Variants in ZIM2 observed in about 807,000 individuals in gnomAD.
ZIM2 encodes the protein zinc finger imprinted 2, also known as zinc finger protein 656.
Under a neutral mutation model 38.6 loss-of-function variants are expected in ZIM2, and 14 were observed. The ratio of observed to expected loss-of-function variants is 0.36; its 90% confidence interval spans 0.24 to 0.57. The LOEUF (loss-of-function observed/expected upper bound fraction) is 0.57, where lower values mean the gene tolerates loss of function less well. Among genes scored for constraint, ZIM2 ranks in the 20% least tolerant of loss-of-function variants. The pLI, the probability that ZIM2 is intolerant of heterozygous loss-of-function variation, is 0.81. For missense variants in ZIM2, 680 were observed against 695.1 expected, an observed-to-expected ratio of 0.98 and a Z score of 0.24; for synonymous variants, 247 against 245.8, an observed-to-expected ratio of 1.00 and a Z score of -0.04.
rs760263015 is a variant in ZIM2, at chr19:56,789,894, T to C, written c.548A>G (p.Asn183Ser). 7 of 1,577,390 alleles carry C rather than the reference T, an allele frequency of 4.4e-6. No homozygotes were observed. The highest frequency in any genetic ancestry group is 4.5e-5 in the East Asian group (2 of 44,166). ...AEKRNTEMLD[N>S]LPSAGSQFPD... The stretch of plus-strand genomic sequence containing the variant: ...CACCTGGGACCCAGCAGATGGCAGA[T>C]TGTCTAACATCTCTGTGTTCCTCTT... The change falls in exon 10 of 13, where the codon AAT (asparagine) becomes AGT (serine). Residue 183 changes from asparagine to serine, a missense_variant. Coordinates refer to ENST00000629319, the MANE Select transcript of ZIM2 (RefSeq NM_001387356.1).
intron 6 of ZIM2, 72 bp from the exon 7 acceptor site, chr19:56,821,826 A>G: frequency 6.5e-7 from 1 of 1,532,070 alleles, no homozygotes; most frequent in South Asian, 1.1e-5. Context: ...TGTCCCACTC[A>G]ACTATGAAGC....
chr19:56,822,972 A>G, intron 5 of ZIM2, 136 bp from the exon 6 acceptor site: 1 of 1,187,242 alleles, frequency 8.4e-7, no homozygotes, highest in Non-Finnish European at 1.2e-6. Flanking sequence ...AGAGAGCTCC[A>G]GGTTCCCAGG....
chr19:56,789,862 C>A lies in ZIM2; in HGVS notation c.570+10G>T. On this transcript the variant is annotated intron_variant, in intron 10 of 12. Transcript: ENST00000629319. ...ATTTGATAACCATGTCAGAGGAAAG[C>A]CTGACTCACCTGGGACCCAGCAGAT... is the stretch of plus-strand genomic sequence containing the variant. 6.5e-7 allele frequency: 1 copy of A among 1,546,428 alleles called. No homozygotes were observed. Among genetic ancestry groups the A allele is most frequent in the South Asian group, 1.3e-5 (1 of 79,822 alleles).
intron 9 of ZIM2, chr19:56,798,650 A>G (rs1285910286): frequency 2.0e-5 from 3 of 152,228 alleles, no homozygotes; most frequent in Non-Finnish European, 4.4e-5. Context: ...TACAGCAAAG[A>G]AATTATCATC....
At chr19:56,805,340 C>T (rs2047706197) in intron 9 of ZIM2, among the ~76,000 whole-genome samples, 1 of 152,182 alleles carries the variant, frequency 6.6e-6, no homozygotes, top group African/African-American at 2.4e-5. Flanking sequence ...CTGGGACCTT[C>T]CACTGGGAAG....
intron 9 of ZIM2, among the ~76,000 whole-genome samples, chr19:56,792,423 C>T (rs781275352): frequency 1.5e-4 from 22 of 146,368 alleles, no homozygotes; most frequent in Non-Finnish European, 2.8e-4. Flanking sequence ...TCTAGCTACT[C>T]GGGAGGCTGA....
chr19:56,835,459 CA>C (rs1274667197), intron 2 of ZIM2, among the ~76,000 whole-genome samples: 1 of 152,212 alleles, frequency 6.6e-6, no homozygotes, highest in Non-Finnish European at 1.5e-5. Flanking sequence ...CTACTCTCCC[CA>C]TGACACACAC....
chr19:56,839,629 G>A (rs1304207270), intron 1 of ZIM2, among the ~76,000 whole-genome samples: 5 of 151,162 alleles, frequency 3.3e-5, no homozygotes, highest in Non-Finnish European at 7.4e-5. Context: ...CAATCAACTA[G>A]AACAGCGCCT....
In ZIM2 at chr19:56,789,450, T is replaced by C. The variant is rs771800773; in HGVS notation, c.570+422A>G. Among the ~76,000 whole-genome samples, 57 of 152,140 alleles carry C rather than the reference T, an allele frequency of 3.7e-4. 1 individual carries two copies. Among genetic ancestry groups the C allele is most frequent in the Non-Finnish European group, 6.3e-4 (43 of 68,030 alleles). ...AACAGCTGTGTTACCCTTCAGCATA[T>C]TATTTAGTCTTTCTGCCTCCACTCC... is the stretch of plus-strand genomic sequence containing the variant. On this transcript the variant is annotated intron_variant, in intron 10 of 12. Transcript: ENST00000629319.
At chr19:56,840,544 G>A (rs1213930047) in intron 1 of ZIM2, 38 bp downstream of exon 1, 1 of 152,322 alleles carries the variant, frequency 6.6e-6, no homozygotes, top group Non-Finnish European at 1.5e-5. Flanking sequence ...AAGGTCCCGC[G>A]GGCAGGAGGC....
intron 9 of ZIM2, among the ~76,000 whole-genome samples, chr19:56,792,530 C>CAAAA (rs1215431208): frequency 4.8e-5 from 1 of 20,944 alleles, no homozygotes; most frequent in African/African-American, 1.3e-4. Context: ...GACTCTGTCT[C>CAAAA]AAAAAAAAAA....
chr19:56,799,835 G>A (rs1398306808), intron 9 of ZIM2, among the ~76,000 whole-genome samples: 1 of 152,140 alleles, frequency 6.6e-6, no homozygotes, highest in Non-Finnish European at 1.5e-5. Context: ...AGGTTCATGC[G>A]ATGGAATACT....
chr19:56,814,390 T>A lies in ZIM2; in HGVS notation c.490+3356A>T. 6.2e-7 allele frequency: 1 copy of A among 1,613,902 alleles called. No homozygotes were observed. The highest frequency in any genetic ancestry group is 1.3e-5 in the African/African-American group (1 of 75,038). On this transcript the variant is annotated intron_variant, in intron 9 of 12. Transcript: ENST00000629319. This position sits in a 1 kb window ranked among gnomAD's most constrained non-coding sequence, Gnocchi z 5.8. Reference sequence around the variant, plus strand: ...TTCTTCTTCTTCCAGATGAAGCTCCTTATGTTTAGTGAGGACTGTGCTATG... The same window carrying A: ...TTCTTCTTCTTCCAGATGAAGCTCCATATGTTTAGTGAGGACTGTGCTATG...
chr19:56,781,327 CTT>C lies in ZIM2; in HGVS notation c.739+624_739+625del, dbSNP rs146154479. ...AGGAGCTTGGCACTGGCAACGTAAA[CTT>C]TTCACTTTTCACTTTCAACTTTACC... On this transcript the variant is annotated intron_variant, in intron 11 of 12. Coordinates refer to ENST00000629319, the MANE Select transcript of ZIM2 (RefSeq NM_001387356.1). Among the ~76,000 whole-genome samples the C allele has an allele frequency of 0.019, 2,962 of 152,240 alleles. 142 individuals are homozygous for C. In the East Asian group the frequency reaches 0.2, roughly 10 times the overall value.
chr19:56,812,473 G>C (rs572040017), intron 9 of ZIM2: 1 of 984,224 alleles, frequency 1.0e-6, no homozygotes, highest in African/African-American at 1.8e-5. Flanking sequence ...GATAAATAAC[G>C]AAGAGAATTA....
At chr19:56,786,426 A>G (rs533811657) in intron 10 of ZIM2, among the ~76,000 whole-genome samples, 1 of 152,276 alleles carries the variant, frequency 6.6e-6, no homozygotes, top group Non-Finnish European at 1.5e-5. Context: ...AAACAAACAG[A>G]TGATGACACT....
intron 1 of ZIM2, among the ~76,000 whole-genome samples, chr19:56,837,196 G>T (rs1339936016): frequency 6.6e-6 from 1 of 151,962 alleles, no homozygotes; most frequent in Non-Finnish European, 1.5e-5. Flanking sequence ...GCCCTCTAGC[G>T]GCTCTGCTCA....
At chr19:56,820,901 A>G (rs1019747942) in intron 7 of ZIM2, among the ~76,000 whole-genome samples, 2 of 152,126 alleles carry the variant, frequency 1.3e-5, no homozygotes. Context: ...GCTCAGCCCA[A>G]TGGCTTCTCC....
intron 3 of ZIM2, chr19:56,824,681 G>T (rs781716775): frequency 6.3e-7 from 1 of 1,579,750 alleles, no homozygotes; most frequent in South Asian, 1.2e-5. Flanking sequence ...TTTCACTGGA[G>T]GAACCAAACA....
Sources: gnomAD v4.1 joint callset for allele counts (sites outside exome capture counted in the v4.1 genomes callset) on GRCh38, gnomAD v4.1.1 for gene constraint, Gnocchi (gnomAD v3.1) non-coding constraint, MANE v1.5 for transcripts, NCBI Gene and HGNC (gene_info 2026-07-23, HGNC 2026-07-21) for gene names.